TCAIM: variants seen among roughly 807,000 people sequenced by gnomAD.
TCAIM encodes T cell activation inhibitor, mitochondrial, also known as T-cell activation inhibitor, mitochondrial.
TCAIM carries 36 observed loss-of-function variants against 58.6 expected under a neutral mutation model. The ratio of observed to expected loss-of-function variants is 0.61; its 90% CI spans 0.47 to 0.81. The LOEUF (loss-of-function observed/expected upper bound fraction) is 0.81. Ranked by LOEUF, TCAIM falls within the 30% of genes least tolerant of loss-of-function variation. TCAIM has a pLI of 0.00. For missense variants in TCAIM, 466 were observed against 579.6 expected (o/e 0.80, Z 2.01); for synonymous variants, 172 against 193.6 (o/e 0.89, Z 0.93).
intron 4 of TCAIM, 38 bp downstream of exon 4, chr3:44,361,556 A>G: frequency 6.8e-7 from 1 of 1,469,916 alleles, no homozygotes; most frequent in Non-Finnish European, 9.0e-7. Flanking sequence ...TTGCAAGCTT[A>G]ATGTTAAATG....
intron 10 of TCAIM, among the ~76,000 whole-genome samples, chr3:44,404,169 C>CA (rs1458439195): frequency 3.9e-5 from 6 of 152,204 alleles, no homozygotes; most frequent in African/African-American, 1.2e-4. Context: ...GCCCTGCTCA[C>CA]ATTCCACCTT....
chr3:44,399,958 T>C (rs1701996689), intron 8 of TCAIM, among the ~76,000 whole-genome samples: 1 of 152,258 alleles, frequency 6.6e-6, no homozygotes, highest in Admixed American at 6.5e-5. Context: ...TTAGTTGCTT[T>C]AAAGTAAATT....
chr3:44,379,489 G>A (rs1701621543), intron 5 of TCAIM, among the ~76,000 whole-genome samples: 2 of 152,152 alleles, frequency 1.3e-5, no homozygotes, highest in African/African-American at 4.8e-5. Context: ...TCAATGGACT[G>A]GGACTGGTTA....
chr3:44,396,818 A>G lies in TCAIM; in HGVS notation c.869A>G (p.His290Arg). The change falls in exon 8 of 11, where the codon CAT (histidine) becomes CGT (arginine). Residue 290 changes from histidine to arginine, a missense_variant. Transcript: ENST00000342649. ...GHVMLGTMDV[H>R]HHWTKLFERL... Reference sequence around the variant, plus strand: ...GTGATGCTAGGAACAATGGATGTCCATCACCACTGGACAAAAGTAAGAAAG... The same window carrying G: ...GTGATGCTAGGAACAATGGATGTCCGTCACCACTGGACAAAAGTAAGAAAG... The G allele has an allele frequency of 7.4e-6, 12 of 1,614,094 alleles. No homozygotes were observed. The highest frequency in any genetic ancestry group is 1.0e-5 in the Non-Finnish European group (12 of 1,179,956).
At chr3:44,369,587 C>G (rs1701432038) in intron 5 of TCAIM, among the ~76,000 whole-genome samples, 1 of 152,138 alleles carries the variant, frequency 6.6e-6, no homozygotes, top group Admixed American at 6.5e-5. Context: ...CTATAGAAAG[C>G]CAACTCAACA....
chr3:44,344,405 TC>T (rs1352994073), intron 1 of TCAIM, among the ~76,000 whole-genome samples: 1 of 152,178 alleles, frequency 6.6e-6, no homozygotes, highest in African/African-American at 2.4e-5. Context: ...ATCTTAGTCT[TC>T]AGCTGCTGTG....
chr3:44,376,498 T>A lies in TCAIM; in HGVS notation c.572+8790T>A, dbSNP rs184656182. Among the ~76,000 whole-genome samples, 154 of 152,288 alleles carry A rather than the reference T, an allele frequency of 1.0e-3. 1 individual carries two copies. The East Asian group carries it at 0.021, about 21-fold the overall frequency. On this transcript the variant is annotated intron_variant, in intron 5 of 10. Transcript: ENST00000342649. Reference sequence around the variant, plus strand: ...AAGTTAAGCTAGTATAAATTCAAATTAGGGTGTTATAACTTTAGGATGTTA... The same window carrying A: ...AAGTTAAGCTAGTATAAATTCAAATAAGGGTGTTATAACTTTAGGATGTTA...
Position 44,407,780 on chromosome 3 carries a change from A to T in TCAIM, c.*98A>T. On this transcript the variant is annotated 3_prime_UTR_variant, in exon 11 of 11. Transcript: ENST00000342649. ...GATATAACAGTATTATTTACATAAG[A>T]ACAAAGTTTCTAACTGCTGCTTTAA... The T allele has an allele frequency of 8.0e-7, 1 of 1,257,080 alleles. No homozygotes were observed. Among genetic ancestry groups the T allele is most frequent in the African/African-American group, 1.5e-5 (1 of 64,662 alleles). 77.9% of individuals were successfully genotyped at this position (1,257,080 alleles called of 1,614,324 possible). A position where few individuals can be genotyped will look rare whatever the true frequency, so the allele number is the denominator to read the frequency against.
At chr3:44,401,656 T>C (rs1256068007) in intron 10 of TCAIM, among the ~76,000 whole-genome samples, 1 of 152,236 alleles carries the variant, frequency 6.6e-6, no homozygotes, top group Non-Finnish European at 1.5e-5. Flanking sequence ...GAATCTTTAT[T>C]GTTTTAAAAT....
intron 5 of TCAIM, among the ~76,000 whole-genome samples, chr3:44,380,562 A>G (rs753599008): frequency 1.3e-5 from 2 of 152,162 alleles, no homozygotes; most frequent in Non-Finnish European, 2.9e-5. Flanking sequence ...CAAATCAACA[A>G]TCTAACTGTA....
At chr3:44,346,323 T>C (rs1190885971) in intron 1 of TCAIM, among the ~76,000 whole-genome samples, 3 of 152,160 alleles carry the variant, frequency 2.0e-5, no homozygotes, top group Non-Finnish European at 2.9e-5. Context: ...CAAGGAATTG[T>C]GTCTGACAGA....
chr3:44,380,121 AAGG>A (rs1423632483), intron 5 of TCAIM, among the ~76,000 whole-genome samples: 4 of 152,168 alleles, frequency 2.6e-5, no homozygotes, highest in African/African-American at 9.7e-5. Context: ...TTAGGAGAAA[AAGG>A]AGGGGAAAAT....
chr3:44,372,470 C>T (rs1481494261), intron 5 of TCAIM, among the ~76,000 whole-genome samples: 2 of 151,988 alleles, frequency 1.3e-5, no homozygotes, highest in African/African-American at 4.8e-5. Context: ...AGAGAGGAAT[C>T]ATAAGGAACA....
chr3:44,390,645 G>A (rs1383990240), intron 5 of TCAIM, among the ~76,000 whole-genome samples: 2 of 151,996 alleles, frequency 1.3e-5, no homozygotes, highest in African/African-American at 4.8e-5. Flanking sequence ...ACAATACAGA[G>A]AAGATTAGCA....
At chr3:44,339,791 C>T (rs192908367) in intron 1 of TCAIM, 2 of 152,210 alleles carry the variant, frequency 1.3e-5, no homozygotes, top group East Asian at 1.9e-4. Flanking sequence ...TGTATTATTG[C>T]ATTTACTGCG....
intron 5 of TCAIM, among the ~76,000 whole-genome samples, chr3:44,386,671 C>T (rs980394454): frequency 1.2e-4 from 18 of 152,242 alleles, no homozygotes; most frequent in Admixed American, 7.2e-4. Flanking sequence ...GGCACTGTCA[C>T]GACCTGGCCA....
intron 9 of TCAIM, 189 bp from the exon 10 acceptor site, chr3:44,401,014 A>G (rs1702013645): frequency 1.3e-6 from 1 of 770,158 alleles, no homozygotes; most frequent in East Asian, 3.1e-5. Context: ...AGGGCTTGCA[A>G]GTAGGTCGTG....
At position 44,407,809 on chromosome 3, in the gene TCAIM, T is replaced by A; in HGVS notation, c.*127T>A. 9.4e-7 allele frequency: 1 copy of A among 1,058,698 alleles called. No homozygotes were observed. Among genetic ancestry groups the A allele is most frequent in the Non-Finnish European group, 1.3e-6 (1 of 777,172 alleles). 65.6% of individuals were successfully genotyped at this position (1,058,698 alleles called of 1,614,324 possible). A position where few individuals can be genotyped will look rare whatever the true frequency, so the allele number is the denominator to read the frequency against. ...AAGTTTCTAACTGCTGCTTTAAAAG[T>A]AGACTTTTTTAAAAAAATTAATTTC... On this transcript the variant is annotated 3_prime_UTR_variant, in exon 11 of 11. Coordinates refer to ENST00000342649, the MANE Select transcript of TCAIM (RefSeq NM_173826.4).
intron 8 of TCAIM, among the ~76,000 whole-genome samples, chr3:44,397,302 A>T (rs973295139): frequency 2.0e-5 from 3 of 152,066 alleles, no homozygotes; most frequent in African/African-American, 7.2e-5. Context: ...ACTCCCTCCC[A>T]TCCCACCACC....
Sources: gnomAD v4.1 joint callset for allele counts (sites outside exome capture counted in the v4.1 genomes callset) on GRCh38, gnomAD v4.1.1 for gene constraint, MANE v1.5 for transcripts, NCBI Gene and HGNC (gene_info 2026-07-23, HGNC 2026-07-21) for gene names.